The following SIRT6 variants were observed in gnomAD, a reference collection of about 807,000 sequenced individuals.
SIRT6 encodes NAD-dependent protein deacylase sirtuin-6.
SIRT6 carries 21 observed loss-of-function variants against 33.6 expected under a neutral mutation model. The observed-to-expected ratio is 0.62, with a 90% CI of 0.44 to 0.90. The LOEUF is 0.90. SIRT6 is among the 40% of genes least tolerant of loss of function. The pLI, the probability that SIRT6 is intolerant of heterozygous loss-of-function variation, is 0.00. For missense variants in SIRT6, 504 were observed against 510.6 expected (o/e 0.99, Z 0.12); for synonymous variants, 221 against 223.9 (o/e 0.99, Z 0.12).
intron 4 of SIRT6, 55 bp downstream of exon 4, chr19:4,177,024 C>T (rs1449425132): frequency 5.9e-6 from 9 of 1,516,486 alleles, no homozygotes; most frequent in East Asian, 2.3e-5. Flanking sequence ...ACATCGGATT[C>T]GACCCCCAAC....
intron 2 of SIRT6, among the ~76,000 whole-genome samples, chr19:4,179,747 A>G (rs1022040300): frequency 6.6e-6 from 1 of 152,150 alleles, no homozygotes; most frequent in Non-Finnish European, 1.5e-5. Flanking sequence ...GGATCAGAGG[A>G]GGTACCTGGG....
chr19:4,174,624 G>C lies in SIRT6; in HGVS notation c.1061C>G (p.Pro354Arg). ...CCTCCCCAAGCACCCTGGTCAGCTG[G>C]GGACCGCCTTGGCCTTCACCCTTTT... ...PPKRVKAKAVPS is the reference protein window; with the variant it reads ...PPKRVKAKAVRS The change falls in exon 8 of 8, where the codon CCC becomes CGC. Residue 354 changes from proline to arginine, a missense_variant. By Grantham distance (103) the Pro-to-Arg change is moderately radical. Coordinates refer to ENST00000337491, the MANE Select transcript of SIRT6 (RefSeq NM_016539.4). This position sits in a 1 kb window ranked among gnomAD's most constrained non-coding sequence, Gnocchi z 4.2. 2 of 1,436,700 alleles carry C rather than the reference G, an allele frequency of 1.4e-6. No individual in the cohort carries two copies. Among genetic ancestry groups the C allele is most frequent in the Non-Finnish European group, 9.2e-7 (1 of 1,092,074 alleles). The allele number at this position is 1,436,700 out of a possible 1,614,324, so 89.0% of individuals were successfully genotyped here.
chr19:4,175,145 G>A lies in SIRT6; in HGVS notation c.621C>T (p.Ala207=), dbSNP rs752226231. The change falls in exon 7 of 8, where the codon GCC becomes GCT. Residue 207 remains alanine, a synonymous_variant. Transcript: ENST00000337491. ...LALADEASRN[A]DLSITLGTSL... is the part of the protein sequence containing the mutation. ...ATGTACCCAGCGTGATGGACAGGTC[G>A]GCGTTCCTGGGGCCGGGGAGCGTGG... 6.9e-6 allele frequency: 11 copies of A among 1,600,828 alleles called. No individual in the cohort carries two copies. The highest frequency in any genetic ancestry group is 5.3e-5 in the African/African-American group (4 of 74,886).
In SIRT6 at chr19:4,174,434, A is replaced by C; in HGVS notation, c.*183T>G. ...CTCTGGGGTGTGGCTTCTTCCCGGA[A>C]CCGCACCAGAGGCCCCTGGAGCCCA... is the stretch of plus-strand genomic sequence containing the variant. On this transcript the variant is annotated 3_prime_UTR_variant, in exon 8 of 8. Coordinates refer to ENST00000337491, the MANE Select transcript of SIRT6 (RefSeq NM_016539.4). This position sits in a 1 kb window ranked among gnomAD's most constrained non-coding sequence, Gnocchi z 4.2. 4.1e-6 allele frequency: 2 copies of C among 493,108 alleles called. No homozygotes were observed. The highest frequency in any genetic ancestry group is 3.4e-5 in the East Asian group (1 of 29,462). 30.5% of individuals were successfully genotyped at this position (493,108 alleles called of 1,614,324 possible). A position where few individuals can be genotyped will look rare whatever the true frequency, so the allele number is the denominator to read the frequency against.
intron 3 of SIRT6, 69 bp from the exon 4 acceptor site, chr19:4,177,207 T>C: frequency 6.6e-7 from 1 of 1,506,936 alleles, no homozygotes; most frequent in Non-Finnish European, 9.2e-7. Flanking sequence ...TTGGAGCTGG[T>C]GCTAAGCCCC....
intron 2 of SIRT6, chr19:4,179,545 A>T (rs565384426): frequency 3.8e-6 from 2 of 527,846 alleles, no homozygotes; most frequent in Non-Finnish European, 6.6e-6. Context: ...TTGGAGAGAG[A>T]CAGAGAGAGG....
At chr19:4,175,246 C>A (rs1967222815) in intron 6 of SIRT6, 95 bp from the exon 7 acceptor site, 1 of 1,462,068 alleles carries the variant, frequency 6.8e-7, no homozygotes, top group East Asian at 2.5e-5. Context: ...GCCATCTGTG[C>A]TCACCGGGGC....
At chr19:4,175,791 G>T in intron 5 of SIRT6, 31 bp from the exon 6 acceptor site, 1 of 1,555,460 alleles carries the variant, frequency 6.4e-7, no homozygotes, top group Non-Finnish European at 8.7e-7. Context: ...AGAGTCCTCA[G>T]GGGCCTCGCA....
At chr19:4,179,406 G>C (rs1967496732) in intron 2 of SIRT6, 120 bp from the exon 3 acceptor site, 3 of 1,062,322 alleles carry the variant, frequency 2.8e-6, no homozygotes, top group Admixed American at 2.9e-5. Context: ...GACAGAGAGA[G>C]ACAGGGAGAC....
In SIRT6 at chr19:4,174,330, A is replaced by G. The variant is rs200202266; in HGVS notation, c.*287T>C. The G allele has an allele frequency of 6.3e-5, 19 of 300,548 alleles. No individual in the cohort carries two copies. Among genetic ancestry groups the G allele is most frequent in the African/African-American group, 4.1e-4 (19 of 46,040 alleles). 18.6% of individuals were successfully genotyped at this position (300,548 alleles called of 1,614,324 possible). A position where few individuals can be genotyped will look rare whatever the true frequency, so the allele number is the denominator to read the frequency against. On this transcript the variant is annotated 3_prime_UTR_variant, in exon 8 of 8. Transcript: ENST00000337491. The surrounding 1 kb of genome is among the most constrained non-coding windows in gnomAD (Gnocchi z 4.2). ...GGGAGTTCACTCCTGTTTAAGCTGGAGACCAGGGAGGGCCCAGCCTCACCT... is the reference window on the plus strand; with the variant it reads ...GGGAGTTCACTCCTGTTTAAGCTGGGGACCAGGGAGGGCCCAGCCTCACCT...
At chr19:4,178,994 C>T in intron 3 of SIRT6, 110 bp downstream of exon 3, 1 of 1,391,786 alleles carries the variant, frequency 7.2e-7, no homozygotes, top group Non-Finnish European at 9.7e-7. Context: ...GGGCCAAGAA[C>T]TCAGGGCTAG....
chr19:4,175,331 T>C, intron 6 of SIRT6, 180 bp from the exon 7 acceptor site: 1 of 837,250 alleles, frequency 1.2e-6, no homozygotes, highest in South Asian at 1.8e-5. Flanking sequence ...GTTGGCGGGG[T>C]CATTGATCTG....
chr19:4,179,757 G>C (rs1307918428), intron 2 of SIRT6, among the ~76,000 whole-genome samples: 1 of 152,188 alleles, frequency 6.6e-6, no homozygotes, highest in Non-Finnish European at 1.5e-5. Context: ...AGGTACCTGG[G>C]CCTGGGGAAG....
intron 4 of SIRT6, among the ~76,000 whole-genome samples, chr19:4,176,847 C>T (rs940987536): frequency 1.3e-5 from 2 of 151,928 alleles, no homozygotes; most frequent in Non-Finnish European, 2.9e-5. Flanking sequence ...GTACCCCCCA[C>T]AGGAGGGAGG....
At chr19:4,177,174 AAGGATCCCTGGATGCCC>A in intron 3 of SIRT6, 36 bp from the exon 4 acceptor site, 1 of 1,609,238 alleles carries the variant, frequency 6.2e-7, no homozygotes, top group Non-Finnish European at 8.5e-7. Flanking sequence ...GATGGTGGGA[AAGGATCCCTGGATGCCC>A]AGGCTTTGGA....
chr19:4,181,870 C>T (rs1568303269), intron 1 of SIRT6, among the ~76,000 whole-genome samples: 1 of 152,130 alleles, frequency 6.6e-6, no homozygotes, highest in Non-Finnish European at 1.5e-5. Flanking sequence ...ACACCATCAG[C>T]GCTCATTAAA....
At chr19:4,177,877 A>G (rs1049751044) in intron 3 of SIRT6, among the ~76,000 whole-genome samples, 5 of 152,098 alleles carry the variant, frequency 3.3e-5, no homozygotes, top group African/African-American at 1.2e-4. Context: ...GGCGTGAGCC[A>G]CTGTACCCAG....
At chr19:4,179,398 CAGAG>C (rs1176552786) in intron 2 of SIRT6, 112 bp from the exon 3 acceptor site, 39 of 1,138,682 alleles carry the variant, frequency 3.4e-5, no homozygotes, top group Middle Eastern at 2.2e-4. Flanking sequence ...AATCAGGAGA[CAGAG>C]AGAGACAGGG....
intron 2 of SIRT6, among the ~76,000 whole-genome samples, chr19:4,180,371 T>C (rs766142505): frequency 6.6e-6 from 1 of 152,034 alleles, no homozygotes; most frequent in African/African-American, 2.4e-5. Context: ...ATGCTGGTTG[T>C]GACAAGGGAC....
Sources: gnomAD v4.1 joint callset for allele counts (sites outside exome capture counted in the v4.1 genomes callset) on GRCh38, gnomAD v4.1.1 for gene constraint, Gnocchi (gnomAD v3.1) non-coding constraint, MANE v1.5 for transcripts, NCBI Gene and HGNC (gene_info 2026-07-23, HGNC 2026-07-21) for gene names.